Variants in DCPS observed in about 807,000 individuals in gnomAD.
DCPS encodes decapping enzyme, scavenger.
In DCPS, 27 loss-of-function variants were observed where a neutral mutation model predicts 34.7. The ratio of observed to expected loss-of-function variants is 0.78; its 90% confidence interval spans 0.57 to 1.07. The LOEUF (loss-of-function observed/expected upper bound fraction) is 1.07, where lower values mean the gene tolerates loss of function less well. Among genes scored for constraint, DCPS ranks in the 50% least tolerant of loss-of-function variants. DCPS has a pLI of 0.00. For missense variants in DCPS, 464 were observed against 436.9 expected (o/e 1.06, Z -0.55); for synonymous variants, 185 against 185.7 (o/e 1.00, Z 0.03).
chr11:126,348,289 C>A lies in DCPS; in HGVS notation c.*2676C>A, dbSNP rs1453627913. ...CTTCTGCCCACTCTGTGGGGAGGAGCCTCTCTGGGATAGCGTCCCCTCACT... is the reference window on the plus strand; with the variant it reads ...CTTCTGCCCACTCTGTGGGGAGGAGACTCTCTGGGATAGCGTCCCCTCACT... On this transcript the variant is annotated 3_prime_UTR_variant, in exon 6 of 6. Coordinates refer to ENST00000263579, the MANE Select transcript of DCPS (RefSeq NM_014026.6). This position sits in a 1 kb window ranked among gnomAD's most constrained non-coding sequence, Gnocchi z 5.3. Among the ~76,000 whole-genome samples the A allele has an allele frequency of 1.3e-5, 2 of 152,188 alleles. No homozygotes were observed. Among genetic ancestry groups the A allele is most frequent in the African/African-American group, 4.8e-5 (2 of 41,436 alleles).
intron 4 of DCPS, among the ~76,000 whole-genome samples, chr11:126,339,191 G>A (rs1951858017): frequency 6.6e-6 from 1 of 152,216 alleles, no homozygotes; most frequent in Admixed American, 6.5e-5. Context: ...CAGAAGAAGG[G>A]CCTGGATAAG....
chr11:126,318,484 G>T (rs611593), intron 2 of DCPS, among the ~76,000 whole-genome samples: 28,981 of 152,150 alleles, frequency 0.19, 3,864 homozygotes, highest in East Asian at 0.65. Context: ...CTAGCCAGGG[G>T]ACATCCCACA....
chr11:126,313,062 CT>C lies in DCPS; in HGVS notation c.376+6319del, dbSNP rs61060442. ...TTTATTGCGGTCTGTTCTCCTTTAC[CT>C]GGGGAAGAAGGGGGAGATAGCAGGG... On this transcript the variant is annotated intron_variant, in intron 2 of 5. Transcript: ENST00000263579. This position sits in a 1 kb window ranked among gnomAD's most constrained non-coding sequence, Gnocchi z 4.9. Among the ~76,000 whole-genome samples, 312 of 152,282 alleles carry C rather than the reference CT, an allele frequency of 2.0e-3. No homozygotes were observed. Among genetic ancestry groups the C allele is most frequent in the African/African-American group, 7.2e-3 (301 of 41,546 alleles).
rs184260742 is a variant in DCPS at position 126,326,134 on chromosome 11, A to G, written c.377-5271A>G. 2.0e-4 allele frequency among the ~76,000 whole-genome samples: 31 copies of G among 152,302 alleles called. No individual in the cohort carries two copies. In the East Asian group the frequency reaches 4.4e-3, roughly 22 times the overall value. Reference sequence around the variant, plus strand: ...TCCATCTCAAAAAATACATATAAATAAATAAATAATGAGAATCCCAGCAGG... The same window carrying G: ...TCCATCTCAAAAAATACATATAAATGAATAAATAATGAGAATCCCAGCAGG... On this transcript the variant is annotated intron_variant, in intron 2 of 5. Transcript: ENST00000263579.
chr11:126,315,615 C>T lies in DCPS; in HGVS notation c.376+8871C>T, dbSNP rs970264181. Reference sequence around the variant, plus strand: ...CAGTAAAACCATTAAGGAGTATTTACATGATTGAGGCCATATTAATATGCA... The same window carrying T: ...CAGTAAAACCATTAAGGAGTATTTATATGATTGAGGCCATATTAATATGCA... On this transcript the variant is annotated intron_variant, in intron 2 of 5. Transcript: ENST00000263579. The surrounding 1 kb of genome is among the most constrained non-coding windows in gnomAD (Gnocchi z 6.1). 6.6e-6 allele frequency among the ~76,000 whole-genome samples: 1 copy of T among 152,028 alleles called. No individual in the cohort carries two copies. The highest frequency in any genetic ancestry group is 2.4e-5 in the African/African-American group (1 of 41,344).
chr11:126,323,349 G>T lies in DCPS; in HGVS notation c.377-8056G>T, dbSNP rs1343243241. On this transcript the variant is annotated intron_variant, in intron 2 of 5. Coordinates refer to ENST00000263579, the MANE Select transcript of DCPS (RefSeq NM_014026.6). The surrounding 1 kb of genome is among the most constrained non-coding windows in gnomAD (Gnocchi z 4.4). ...AAATACAATTATTGTTTTACCTTGA[G>T]CGGTAGAAAGTTCAGCTTTAGAAAC... Among the ~76,000 whole-genome samples, 1 of 152,120 alleles carries T rather than the reference G, an allele frequency of 6.6e-6. No homozygotes were observed. Among genetic ancestry groups the T allele is most frequent in the Non-Finnish European group, 1.5e-5 (1 of 68,034 alleles).
chr11:126,311,436 CCT>C (rs1354212760), intron 2 of DCPS, among the ~76,000 whole-genome samples: 1 of 152,194 alleles, frequency 6.6e-6, no homozygotes, highest in Non-Finnish European at 1.5e-5. Flanking sequence ...CCGATGTCTC[CCT>C]GTCTTTGCAG....
chr11:126,321,468 A>G (rs1951706159), intron 2 of DCPS, among the ~76,000 whole-genome samples: 1 of 152,120 alleles, frequency 6.6e-6, no homozygotes, highest in African/African-American at 2.4e-5. Flanking sequence ...TTATAGCTCC[A>G]TATGTGCAAT....
Position 126,312,729 on chromosome 11 carries a change from T to C in DCPS, c.376+5985T>C, listed in dbSNP as rs541759056. Among the ~76,000 whole-genome samples, 1 of 152,338 alleles carries C rather than the reference T, an allele frequency of 6.6e-6. No individual in the cohort carries two copies. Among genetic ancestry groups the C allele is most frequent in the African/African-American group, 2.4e-5 (1 of 41,588 alleles). On this transcript the variant is annotated intron_variant, in intron 2 of 5. Coordinates refer to ENST00000263579, the MANE Select transcript of DCPS (RefSeq NM_014026.6). The surrounding 1 kb of genome is among the most constrained non-coding windows in gnomAD (Gnocchi z 5.1). ...TTAGGACCCATTAAGAGAAGGTGTA[T>C]AGAGCACGTGGCACAGTAGCTGTCA...
rs559521925 is a variant in DCPS at position 126,336,084 on chromosome 11, C to G, written c.523-2202C>G. 5.0e-5 allele frequency among the ~76,000 whole-genome samples: 7 copies of G among 141,376 alleles called. No homozygotes were observed. In the South Asian group the frequency reaches 1.6e-3, roughly 32 times the overall value. The allele number at this position is 141,376 out of a possible 152,430, so 92.7% of individuals were successfully genotyped here. A position where few individuals can be genotyped will look rare whatever the true frequency, so the allele number is the denominator to read the frequency against. On this transcript the variant is annotated intron_variant, in intron 3 of 5. Transcript: ENST00000263579. This position sits in a 1 kb window ranked among gnomAD's most constrained non-coding sequence, Gnocchi z 6.3. Reference sequence around the variant, plus strand: ...TGAGCCGAAATCACGCCACTGCACTCTAGTCTGGGCGAAAGAGCAAGACTC... The same window carrying G: ...TGAGCCGAAATCACGCCACTGCACTGTAGTCTGGGCGAAAGAGCAAGACTC...
In DCPS at chr11:126,338,435, CCA is replaced by C; in HGVS notation, c.636+38_636+39del. On this transcript the variant is annotated intron_variant, in intron 4 of 5. Coordinates refer to ENST00000263579, the MANE Select transcript of DCPS (RefSeq NM_014026.6). The surrounding 1 kb of genome is among the most constrained non-coding windows in gnomAD (Gnocchi z 5.4). ...CTGGCTGGAATGTCCTGATCTCTGGCCACCCTGCTGTAAGTGCTGGTCCTTCT... is the reference window on the plus strand; with the variant it reads ...CTGGCTGGAATGTCCTGATCTCTGGCCCCTGCTGTAAGTGCTGGTCCTTCT... The C allele has an allele frequency of 6.3e-7, 1 of 1,584,514 alleles. No homozygotes were observed. The highest frequency in any genetic ancestry group is 2.2e-5 in the East Asian group (1 of 44,726).
rs925837015 is a variant in DCPS at position 126,319,422 on chromosome 11, C to G, written c.377-11983C>G. Among the ~76,000 whole-genome samples the G allele has an allele frequency of 6.6e-6, 1 of 152,162 alleles. No individual in the cohort carries two copies. Among genetic ancestry groups the G allele is most frequent in the South Asian group, 2.1e-4 (1 of 4,832 alleles). On this transcript the variant is annotated intron_variant, in intron 2 of 5. Coordinates refer to ENST00000263579, the MANE Select transcript of DCPS (RefSeq NM_014026.6). This position sits in a 1 kb window ranked among gnomAD's most constrained non-coding sequence, Gnocchi z 4.5. ...CCTCTTCCGTCCCTTTGTGCTCCCCCCAGAACCTGCTGTCCCGCAGCATTT... is the reference window on the plus strand; with the variant it reads ...CCTCTTCCGTCCCTTTGTGCTCCCCGCAGAACCTGCTGTCCCGCAGCATTT...
chr11:126,308,586 A>G (rs1951592192), intron 2 of DCPS, among the ~76,000 whole-genome samples: 1 of 152,220 alleles, frequency 6.6e-6, no homozygotes, highest in Non-Finnish European at 1.5e-5. Context: ...AAGCAAATGT[A>G]TTCCTCAGCA....
rs1462510514 is a variant in DCPS, at chr11:126,315,927, T to C, written c.376+9183T>C. Among the ~76,000 whole-genome samples, 1 of 152,012 alleles carries C rather than the reference T, an allele frequency of 6.6e-6. No individual in the cohort carries two copies. The highest frequency in any genetic ancestry group is 2.4e-5 in the African/African-American group (1 of 41,304). On this transcript the variant is annotated intron_variant, in intron 2 of 5. Coordinates refer to ENST00000263579, the MANE Select transcript of DCPS (RefSeq NM_014026.6). The surrounding 1 kb of genome is among the most constrained non-coding windows in gnomAD (Gnocchi z 6.1). The stretch of plus-strand genomic sequence containing the variant: ...CAGGGTTTCATCATGTTGGCCAGGC[T>C]ATCTCAAACTCCTGACCTCAAGTGA...
At chr11:126,317,999 T>C (rs1050578732) in intron 2 of DCPS, among the ~76,000 whole-genome samples, 8 of 152,156 alleles carry the variant, frequency 5.3e-5, no homozygotes, top group Admixed American at 2.6e-4. Context: ...CCAAATTTGC[T>C]TGTGGGCCAG....
chr11:126,316,957 C>CTTTT (rs71048779), intron 2 of DCPS, among the ~76,000 whole-genome samples: 2 of 93,198 alleles, frequency 2.1e-5, no homozygotes, highest in African/African-American at 4.3e-5. Flanking sequence ...TGCCCGGCCT[C>CTTTT]TTTTTTTTTT....
chr11:126,304,121 A>C lies in DCPS; in HGVS notation c.41A>C (p.Glu14Ala), dbSNP rs376410163. ...CCTCAACTAGGCAAGAGGAAGCGCG[A>C]ATTGGACGTGGAGGAGGCCCACGCC... ...AAPQLGKRKRELDVEEAHAAS... is the reference protein window; with the variant it reads ...AAPQLGKRKRALDVEEAHAAS... The change falls in exon 1 of 6, where the codon GAA (glutamate) becomes GCA (alanine). Residue 14 changes from glutamate to alanine, a missense_variant. By Grantham distance (107) the Glu-to-Ala change is moderately radical. Coordinates refer to ENST00000263579, the MANE Select transcript of DCPS (RefSeq NM_014026.6). 2.5e-6 allele frequency: 4 copies of C among 1,613,726 alleles called. No individual in the cohort carries two copies. The African/African-American group carries it at 5.3e-5, about 22-fold the overall frequency.
rs1054789691 is a variant in DCPS at position 126,322,572 on chromosome 11, G to A, written c.377-8833G>A. ...AGCCACTATGCCCAGCCAGCATTCA[G>A]ATTTTCTTTCTATCCTAAAATTCCT... On this transcript the variant is annotated intron_variant, in intron 2 of 5. Coordinates refer to ENST00000263579, the MANE Select transcript of DCPS (RefSeq NM_014026.6). This position sits in a 1 kb window ranked among gnomAD's most constrained non-coding sequence, Gnocchi z 4.2. Among the ~76,000 whole-genome samples the A allele has an allele frequency of 8.6e-5, 13 of 150,636 alleles. No homozygotes were observed. Among genetic ancestry groups the A allele is most frequent in the African/African-American group, 3.2e-4 (13 of 41,046 alleles).
At position 126,322,260 on chromosome 11, in the gene DCPS, T is replaced by A. The variant is rs1951712917; in HGVS notation, c.377-9145T>A. 6.9e-6 allele frequency among the ~76,000 whole-genome samples: 1 copy of A among 143,956 alleles called. No individual in the cohort carries two copies. The highest frequency in any genetic ancestry group is 1.6e-5 in the Non-Finnish European group (1 of 63,884). The allele number at this position is 143,956 out of a possible 152,430, so 94.4% of individuals were successfully genotyped here. A position where few individuals can be genotyped will look rare whatever the true frequency, so the allele number is the denominator to read the frequency against. On this transcript the variant is annotated intron_variant, in intron 2 of 5. Coordinates refer to ENST00000263579, the MANE Select transcript of DCPS (RefSeq NM_014026.6). The surrounding 1 kb of genome is among the most constrained non-coding windows in gnomAD (Gnocchi z 4.2). ...AACAACAGCATTCAGATCTTCTTAT[T>A]TTTATTTATTTTTATTTTTTTGAGA...
Sources: allele counts gnomAD v4.1 joint callset (sites outside exome capture counted in the v4.1 genomes callset), GRCh38; gene constraint gnomAD v4.1.1; non-coding constraint Gnocchi (gnomAD v3.1); transcripts MANE v1.5; gene names NCBI Gene and HGNC (gene_info 2026-07-23, HGNC 2026-07-21).